ABTB3: variants seen among roughly 807,000 people sequenced by gnomAD.
ABTB3 encodes the protein ankyrin repeat- and BTB/POZ domain-containing protein 3.
the ABTB3 span, among the ~76,000 whole-genome samples, chr12:107,362,831 C>T: frequency 6.6e-6 from 1 of 152,020 alleles, no homozygotes; most frequent in East Asian, 1.9e-4. Flanking sequence ...GAGCACTACG[C>T]TAGACATTTT....
At chr12:107,542,095 C>T in the ABTB3 span, among the ~76,000 whole-genome samples, 29 of 151,994 alleles carry the variant, frequency 1.9e-4, no homozygotes, top group Middle Eastern at 3.4e-3. Flanking sequence ...GGATCACCTG[C>T]GGTCTGGAGT....
chr12:107,578,996 T>C, the ABTB3 span, among the ~76,000 whole-genome samples: 2 of 152,214 alleles, frequency 1.3e-5, no homozygotes, highest in Non-Finnish European at 2.9e-5. Context: ...CCCCATTCCC[T>C]GCCCTGGTGG....
the ABTB3 span, among the ~76,000 whole-genome samples, chr12:107,405,275 G>A: frequency 6.6e-6 from 1 of 152,158 alleles, no homozygotes; most frequent in Non-Finnish European, 1.5e-5. Context: ...AACGGTGGCC[G>A]GGCCACTGTG....
the ABTB3 span, among the ~76,000 whole-genome samples, chr12:107,324,232 G>A: frequency 6.6e-6 from 1 of 152,070 alleles, no homozygotes; most frequent in Admixed American, 6.5e-5. Context: ...AGGGTGGATG[G>A]AGCCAACAAG....
chr12:107,363,715 G>A, the ABTB3 span, among the ~76,000 whole-genome samples: 1 of 152,084 alleles, frequency 6.6e-6, no homozygotes, highest in African/African-American at 2.4e-5. Context: ...AGAAATTTTG[G>A]CATTTTAAAA....
At chr12:107,458,933 G>A in the ABTB3 span, among the ~76,000 whole-genome samples, 3 of 152,290 alleles carry the variant, frequency 2.0e-5, no homozygotes, top group Admixed American at 6.5e-5. Context: ...GGAGCTTGGC[G>A]GATGCCTTGA....
chr12:107,589,186 C>G, the ABTB3 span, among the ~76,000 whole-genome samples: 10 of 152,236 alleles, frequency 6.6e-5, no homozygotes, highest in Non-Finnish European at 1.5e-4. Flanking sequence ...ACATGAAATA[C>G]TAGCTTATTT....
chr12:107,415,490 C>A, the ABTB3 span, among the ~76,000 whole-genome samples: 1 of 151,986 alleles, frequency 6.6e-6, no homozygotes, highest in Non-Finnish European at 1.5e-5. Flanking sequence ...GGGCGGATCA[C>A]AAGGTCAGGA....
chr12:107,426,555 G>A, the ABTB3 span, among the ~76,000 whole-genome samples: 2 of 152,160 alleles, frequency 1.3e-5, no homozygotes, highest in Non-Finnish European at 2.9e-5. Context: ...ACATCCAGAT[G>A]TCCTCTGCAG....
chr12:107,329,237 T>C, the ABTB3 span, among the ~76,000 whole-genome samples: 1 of 152,096 alleles, frequency 6.6e-6, no homozygotes, highest in Non-Finnish European at 1.5e-5. Context: ...AGAGCTGGGT[T>C]TTTCCCAGAC....
the ABTB3 span, among the ~76,000 whole-genome samples, chr12:107,611,331 C>T: frequency 6.6e-6 from 1 of 152,136 alleles, no homozygotes; most frequent in Non-Finnish European, 1.5e-5. Flanking sequence ...CAGGTGTGCA[C>T]CACCACACCC....
the ABTB3 span, among the ~76,000 whole-genome samples, chr12:107,373,770 C>T: frequency 6.6e-6 from 1 of 152,170 alleles, no homozygotes; most frequent in Non-Finnish European, 1.5e-5. Flanking sequence ...CTGTGGGACC[C>T]GGCACTTTCT....
At chr12:107,480,233 T>A in the ABTB3 span, among the ~76,000 whole-genome samples, 1 of 151,994 alleles carries the variant, frequency 6.6e-6, no homozygotes, top group Non-Finnish European at 1.5e-5. Context: ...TAGGTAGGTA[T>A]GTGGAAGGCT....
chr12:107,654,905 G>C, the ABTB3 span, among the ~76,000 whole-genome samples: 2 of 148,774 alleles, frequency 1.3e-5, no homozygotes, highest in African/African-American at 5.1e-5. Flanking sequence ...GGTTTCTCAG[G>C]ACACAAGCAT....
chr12:107,401,085 A>G, the ABTB3 span, among the ~76,000 whole-genome samples: 3 of 152,258 alleles, frequency 2.0e-5, no homozygotes, highest in Non-Finnish European at 4.4e-5. Flanking sequence ...CTCAGCTCTC[A>G]TGGAAACCTG....
chr12:107,405,547 G>A, the ABTB3 span, among the ~76,000 whole-genome samples: 3 of 152,252 alleles, frequency 2.0e-5, no homozygotes, highest in African/African-American at 7.2e-5. Context: ...AGCTGGCACG[G>A]CTGTCCGGGG....
chr12:107,622,619 T>C, the ABTB3 span, among the ~76,000 whole-genome samples: 6 of 152,164 alleles, frequency 3.9e-5, no homozygotes, highest in East Asian at 7.8e-4. Flanking sequence ...GTGGCTGGGA[T>C]TGCAGGCATG....
At chr12:107,458,791 A>G in the ABTB3 span, among the ~76,000 whole-genome samples, 1 of 152,156 alleles carries the variant, frequency 6.6e-6, no homozygotes, top group Non-Finnish European at 1.5e-5. Context: ...CTTACCTGCT[A>G]CTTCCCACAG....
At chr12:107,376,221 C>T in the ABTB3 span, among the ~76,000 whole-genome samples, 237 of 152,244 alleles carry the variant, frequency 1.6e-3, no homozygotes, top group African/African-American at 5.3e-3. Flanking sequence ...TTTTCCTTCA[C>T]AGGGTATGTA....
Sources: gnomAD v4.1 joint callset for allele counts (sites outside exome capture counted in the v4.1 genomes callset) on GRCh38, gnomAD v4.1.1 for gene constraint, MANE v1.5 for transcripts, NCBI Gene and HGNC (gene_info 2026-07-23, HGNC 2026-07-21) for gene names.